PARP11: variants seen among roughly 807,000 people sequenced by gnomAD.
PARP11 encodes poly(ADP-ribose) polymerase family member 11, also known as protein mono-ADP-ribosyltransferase PARP11.
Under a neutral mutation model 42.9 loss-of-function variants are expected in PARP11, and 31 were observed. That is an observed-to-expected ratio of 0.72 (90% confidence interval 0.54 to 0.98). The LOEUF is 0.98. Ranked by LOEUF, PARP11 falls within the 50% of genes least tolerant of loss-of-function variation. PARP11 has a pLI of 0.00. For missense variants in PARP11, 365 were observed against 413.1 expected (o/e 0.88, Z 1.01); for synonymous variants, 137 against 127.3 (o/e 1.08, Z -0.51).
chr12:3,819,542 A>G (rs1020290323), intron 6 of PARP11, among the ~76,000 whole-genome samples: 2 of 152,246 alleles, frequency 1.3e-5, no homozygotes, highest in South Asian at 4.1e-4. Context: ...AATGTCCCCC[A>G]GCAGGTAAAA....
At chr12:3,845,982 C>T (rs1172240818) in intron 1 of PARP11, among the ~76,000 whole-genome samples, 1 of 152,062 alleles carries the variant, frequency 6.6e-6, no homozygotes, top group Non-Finnish European at 1.5e-5. Context: ...ACGATAATAG[C>T]CTTACACTGA....
At chr12:3,842,589 A>G in intron 1 of PARP11, 2 of 1,067,116 alleles carry the variant, frequency 1.9e-6, no homozygotes, top group South Asian at 1.5e-5. Context: ...AAAAACTACA[A>G]TAAAGTAAAA....
rs1032713524 is a variant in PARP11, at chr12:3,809,968, C to T, written c.*2155G>A. ...TTTCAAAGTATTGTACATGCAATGT[C>T]CTGGGTACTACTTACCTCCCACTGC... On this transcript the variant is annotated 3_prime_UTR_variant, in exon 8 of 8. Coordinates refer to ENST00000228820, the MANE Select transcript of PARP11 (RefSeq NM_020367.6). 6.6e-6 allele frequency: 1 copy of T among 152,180 alleles called. No homozygotes were observed. The highest frequency in any genetic ancestry group is 1.5e-5 in the Non-Finnish European group (1 of 68,044). The allele number at this position is 152,180 out of a possible 1,614,324, so 9.4% of individuals were successfully genotyped here. A position where few individuals can be genotyped will look rare whatever the true frequency, so the allele number is the denominator to read the frequency against.
At chr12:3,837,666 G>GA (rs34964628) in intron 1 of PARP11, among the ~76,000 whole-genome samples, 11,833 of 141,766 alleles carry the variant, frequency 0.083, 1,028 homozygotes, top group African/African-American at 0.22. Flanking sequence ...GAATGGCGAA[G>GA]AAAAAAAAAA....
chr12:3,867,418 T>C (rs376602843), intron 1 of PARP11, among the ~76,000 whole-genome samples: 1 of 152,104 alleles, frequency 6.6e-6, no homozygotes, highest in Non-Finnish European at 1.5e-5. Flanking sequence ...AGGGATGAGA[T>C]TTTAAAAAAC....
chr12:3,856,963 T>C (rs1948202899), intron 1 of PARP11, among the ~76,000 whole-genome samples: 1 of 151,582 alleles, frequency 6.6e-6, no homozygotes, highest in Non-Finnish European at 1.5e-5. Flanking sequence ...AAAGGATGAG[T>C]TCAAGTCCTT....
intron 1 of PARP11, chr12:3,841,443 T>C (rs1947887422): frequency 1.5e-6 from 2 of 1,351,786 alleles, no homozygotes; most frequent in African/African-American, 2.9e-5. Flanking sequence ...CCGCCCAGAA[T>C]TAAAGTGATT....
chr12:3,867,965 G>T (rs376005332), intron 1 of PARP11, among the ~76,000 whole-genome samples: 1 of 152,046 alleles, frequency 6.6e-6, no homozygotes, highest in African/African-American at 2.4e-5. Context: ...ATCTGACAGC[G>T]CCAGCAAACA....
At position 3,821,906 on chromosome 12, in the gene PARP11, A is replaced by G; in HGVS notation, c.515T>C (p.Ile172Thr). 1 of 1,608,090 alleles carries G rather than the reference A, an allele frequency of 6.2e-7. No homozygotes were observed. Among genetic ancestry groups the G allele is most frequent in the Non-Finnish European group, 8.5e-7 (1 of 1,178,784 alleles). Residue 172 changes from isoleucine to threonine, a missense_variant, in exon 6 of 8, where the codon ATT becomes ACT. Transcript: ENST00000228820. ...GAACTCCCACAAATCTAGGTTTTGA[A>G]TTCTCTGAATTCTTTTAATTCGGTT... ...DRNRIKRIQR[I>T]QNLDLWEFFC...
chr12:3,840,969 T>G lies in PARP11; in HGVS notation c.19-10951A>C, dbSNP rs531243941. Reference sequence around the variant, plus strand: ...CAGCCACTGTGCCAGCCTGGCCAAGTGAACCTACAACTTTTGGACCAACAG... The same window carrying G: ...CAGCCACTGTGCCAGCCTGGCCAAGGGAACCTACAACTTTTGGACCAACAG... On this transcript the variant is annotated intron_variant, in intron 1 of 7. Coordinates refer to ENST00000228820, the MANE Select transcript of PARP11 (RefSeq NM_020367.6). The surrounding 1 kb of genome is among the most constrained non-coding windows in gnomAD (Gnocchi z 4.4). 102 of 1,608,424 alleles carry G rather than the reference T, an allele frequency of 6.3e-5. No individual in the cohort carries two copies. The African/African-American group carries it at 1.3e-3, about 20-fold the overall frequency.
chr12:3,866,939 T>C (rs1317081992), intron 1 of PARP11, among the ~76,000 whole-genome samples: 1 of 152,204 alleles, frequency 6.6e-6, no homozygotes, highest in African/African-American at 2.4e-5. Context: ...ATATTTTGTT[T>C]TACAATTGGA....
At chr12:3,842,371 G>A in intron 1 of PARP11, 1 of 1,612,028 alleles carries the variant, frequency 6.2e-7, no homozygotes, top group South Asian at 1.1e-5. Context: ...ATATCAACAT[G>A]TGAGAAGTGA....
chr12:3,825,247 A>G (rs959022460), intron 4 of PARP11, among the ~76,000 whole-genome samples: 2 of 152,232 alleles, frequency 1.3e-5, no homozygotes, highest in Non-Finnish European at 2.9e-5. Flanking sequence ...TGAATAATAA[A>G]TATGTATTGT....
chr12:3,859,208 CATT>C (rs1948251749), intron 1 of PARP11, among the ~76,000 whole-genome samples: 1 of 151,850 alleles, frequency 6.6e-6, no homozygotes, highest in Admixed American at 6.6e-5. Flanking sequence ...CTCCAAGATA[CATT>C]ATTATATAGA....
chr12:3,819,485 C>T (rs1947352794), intron 6 of PARP11, among the ~76,000 whole-genome samples: 2 of 152,088 alleles, frequency 1.3e-5, no homozygotes, highest in Admixed American at 1.3e-4. Flanking sequence ...CCAGGAGCAC[C>T]CCCACCCTGC....
At chr12:3,834,622 G>A (rs907931395) in intron 1 of PARP11, among the ~76,000 whole-genome samples, 2 of 131,850 alleles carry the variant, frequency 1.5e-5, no homozygotes, top group Non-Finnish European at 3.1e-5. Flanking sequence ...CGACAAGAGC[G>A]ACACTCCATC....
At position 3,811,895 on chromosome 12, in the gene PARP11, ACAT is replaced by A. The variant is rs1947185176; in HGVS notation, c.*225_*227del. The A allele has an allele frequency of 2.0e-6, 1 of 508,244 alleles. No homozygotes were observed. Among genetic ancestry groups the A allele is most frequent in the Non-Finnish European group, 3.4e-6 (1 of 290,714 alleles). 31.5% of individuals were successfully genotyped at this position (508,244 alleles called of 1,614,324 possible). ...GTATCTTTCACCCCTATGTGTTAAAACATCAATGATATCAACTTTTAACAAACA... is the reference window on the plus strand; with the variant it reads ...GTATCTTTCACCCCTATGTGTTAAAACAATGATATCAACTTTTAACAAACA... On this transcript the variant is annotated 3_prime_UTR_variant, in exon 8 of 8. Coordinates refer to ENST00000228820, the MANE Select transcript of PARP11 (RefSeq NM_020367.6).
chr12:3,834,978 T>C (rs1947726620), intron 1 of PARP11, among the ~76,000 whole-genome samples: 1 of 152,140 alleles, frequency 6.6e-6, no homozygotes, highest in Non-Finnish European at 1.5e-5. Context: ...CAGAAGCTAC[T>C]CTGACCCAGG....
chr12:3,873,282 G>A lies in PARP11; in HGVS notation c.-53C>T. The A allele has an allele frequency of 6.5e-7, 1 of 1,540,594 alleles. No homozygotes were observed. Among genetic ancestry groups the A allele is most frequent in the African/African-American group, 1.4e-5 (1 of 72,760 alleles). On this transcript the variant is annotated 5_prime_UTR_variant, in exon 1 of 8. Transcript: ENST00000228820. ...CCTGTGGGAAGGGGCTAGCCGCGGG[G>A]CCTGGGTGTTGGATTTTTTTTTTTC... is the stretch of plus-strand genomic sequence containing the variant.
Sources: gnomAD v4.1 joint callset for allele counts (sites outside exome capture counted in the v4.1 genomes callset) on GRCh38, gnomAD v4.1.1 for gene constraint, Gnocchi (gnomAD v3.1) non-coding constraint, MANE v1.5 for transcripts, NCBI Gene and HGNC (gene_info 2026-07-23, HGNC 2026-07-21) for gene names.